Variants in CASP1 observed in about 807,000 individuals in gnomAD.
CASP1 encodes the protein caspase 1.
In CASP1, 31 loss-of-function variants were observed where a neutral mutation model predicts 41.2. The observed-to-expected ratio is 0.75, with a 90% CI of 0.57 to 1.02. CASP1 has a LOEUF of 1.02. CASP1 is among the 50% of genes least tolerant of loss of function. The probability of loss-of-function intolerance (pLI) is 0.00; values close to 1 mark genes in which losing one functional copy is unlikely to be tolerated. For synonymous variants in CASP1, 163 were observed against 166.5 expected (o/e 0.98, Z 0.16); for missense variants, 490 against 495.7 (o/e 0.99, Z 0.11).
intron 6 of CASP1, 50 bp downstream of exon 6, chr11:105,029,615 A>C: frequency 7.3e-7 from 1 of 1,367,914 alleles, no homozygotes; most frequent in Non-Finnish European, 1.0e-6. Context: ...ATGCATACAG[A>C]GTAGGATAGT....
rs148707413 is a variant in CASP1, at chr11:105,026,210, G to T, written c.*48C>A. ...CTTTCCTCAACCTTCCCACACTCCC[G>T]ACCATACACATGTACCTGCCCACAG... On this transcript the variant is annotated 3_prime_UTR_variant, in exon 9 of 9. Coordinates refer to ENST00000533400, the MANE Select transcript of CASP1 (RefSeq NM_001257118.3). 6.4e-4 allele frequency: 787 copies of T among 1,227,132 alleles called. 2 individuals carry two copies. In the African/African-American group the frequency reaches 0.01, roughly 16 times the overall value. 76.0% of individuals were successfully genotyped at this position (1,227,132 alleles called of 1,614,324 possible).
At position 105,027,131 on chromosome 11, in the gene CASP1, T is replaced by G. The variant is rs1591191629; in HGVS notation, c.1007-180A>C. On this transcript the variant is annotated intron_variant, in intron 7 of 8. Transcript: ENST00000533400. ...GATTTGGAAATGAAATATCTAAATG[T>G]GCATTCCCAAAGTGGTATTACTGAC... 10 of 654,110 alleles carry G rather than the reference T, an allele frequency of 1.5e-5. 1 individual carries two copies. Among genetic ancestry groups the G allele is most frequent in the African/African-American group, 7.3e-5 (4 of 55,168 alleles). 40.5% of individuals were successfully genotyped at this position (654,110 alleles called of 1,614,324 possible). A position where few individuals can be genotyped will look rare whatever the true frequency, so the allele number is the denominator to read the frequency against.
At chr11:105,028,324 C>T (rs1440956370) in intron 7 of CASP1, among the ~76,000 whole-genome samples, 2 of 152,086 alleles carry the variant, frequency 1.3e-5, no homozygotes, top group Non-Finnish European at 2.9e-5. Flanking sequence ...CAAGAGAATG[C>T]AAGTCCTCTC....
intron 8 of CASP1, 173 bp downstream of exon 8, chr11:105,026,669 T>C: frequency 1.6e-6 from 1 of 609,696 alleles, no homozygotes; most frequent in Non-Finnish European, 2.9e-6. Context: ...TGGGTCTTAA[T>C]AGATTGGATT....
chr11:105,031,314 A>T (rs1484148626), intron 3 of CASP1, 34 bp from the exon 4 acceptor site: 3 of 1,243,396 alleles, frequency 2.4e-6, no homozygotes, highest in Non-Finnish European at 3.5e-6. Context: ...GAACAGTGGC[A>T]TCCCTGTTTG....
chr11:105,034,119 C>G, intron 2 of CASP1, 89 bp downstream of exon 2: 1 of 1,607,386 alleles, frequency 6.2e-7, no homozygotes. Context: ...AGAAAGTTTT[C>G]TTCCAATTAA....
Position 105,031,197 on chromosome 11 carries a change from C to T in CASP1, c.421G>A (p.Ala141Thr), listed in dbSNP as rs1308507486. The T allele has an allele frequency of 3.4e-5, 55 of 1,612,268 alleles. No homozygotes were observed. Among genetic ancestry groups the T allele is most frequent in the Non-Finnish European group, 4.4e-5 (52 of 1,178,766 alleles). Reference protein sequence around the residue: ...GNVKLCSLEEAQRIWKQKSAE... With the variant: ...GNVKLCSLEETQRIWKQKSAE... The stretch of plus-strand genomic sequence containing the variant: ...GACTTTTGTTTCCATATCCTTTGAG[C>T]TTCTTCTAGGGAGCAAAGCTTGACA... The change falls in exon 4 of 9, where the codon GCT (alanine) becomes ACT (threonine). Residue 141 changes from alanine (A) to threonine (T), a missense_variant. Ala to Thr is a moderately conservative substitution (Grantham distance 58). Transcript: ENST00000533400.
At chr11:105,033,838 C>A (rs185109840) in intron 2 of CASP1, 3 of 556,922 alleles carry the variant, frequency 5.4e-6, no homozygotes, top group Non-Finnish European at 1.0e-5. Flanking sequence ...TGTGACTTTA[C>A]AACTACATAA....
chr11:105,035,307 C>G, upstream of CASP1: 1 of 697,624 alleles, frequency 1.4e-6, no homozygotes, highest in Admixed American at 2.5e-5. Context: ...TCTTCACCAG[C>G]CCTTGGATAG....
chr11:105,030,007 A>C, intron 5 of CASP1, 108 bp from the exon 6 acceptor site: 1 of 909,670 alleles, frequency 1.1e-6, no homozygotes, highest in South Asian at 1.6e-5. Flanking sequence ...TTCCGTGACA[A>C]ACAACAGGGT....
At chr11:105,032,710 A>G (rs528349207) in intron 3 of CASP1, among the ~76,000 whole-genome samples, 1 of 152,322 alleles carries the variant, frequency 6.6e-6, no homozygotes, top group South Asian at 2.1e-4. Context: ...ACCAAGTTAC[A>G]CAAAACCGGA....
upstream of CASP1, among the ~76,000 whole-genome samples, chr11:105,035,616 C>CTTTTCTT (rs770202897): frequency 4.1e-3 from 216 of 52,088 alleles, 5 homozygotes; most frequent in African/African-American, 0.01. Flanking sequence ...TTTTTTCTTT[C>CTTTTCTT]TGTTTTTTTT....
chr11:105,035,244 A>G (rs924625305), upstream of CASP1: 20 of 1,283,842 alleles, frequency 1.6e-5, no homozygotes, highest in African/African-American at 2.9e-5. Flanking sequence ...TTTTCTTCCC[A>G]TTAAAGAATC....
intron 6 of CASP1, 90 bp from the exon 7 acceptor site, chr11:105,029,357 G>T: frequency 9.2e-7 from 1 of 1,091,030 alleles, no homozygotes; most frequent in Non-Finnish European, 1.3e-6. Context: ...TTATTAATGT[G>T]TTTGCTCTAT....
In CASP1 at chr11:105,033,137, A is replaced by G. The variant is rs375453973; in HGVS notation, c.275-11T>C. The G allele has an allele frequency of 9.3e-5, 141 of 1,514,306 alleles. 4 individuals carry two copies. In the South Asian group the frequency reaches 1.0e-3, roughly 11 times the overall value. The allele number at this position is 1,514,306 out of a possible 1,614,324, so 93.8% of individuals were successfully genotyped here. A position where few individuals can be genotyped will look rare whatever the true frequency, so the allele number is the denominator to read the frequency against. ...TTCCAGATGTTTGATCTATGAAAAG[A>G]TAAAGGGTATTGAAGTAGTCACTTA... On this transcript the variant is annotated splice_polypyrimidine_tract_variant and intron_variant, in intron 2 of 8. Transcript: ENST00000533400.
chr11:105,034,192 A>C lies in CASP1; in HGVS notation c.274+16T>G, dbSNP rs751974092. The C allele has an allele frequency of 5.0e-6, 8 of 1,613,946 alleles. No individual in the cohort carries two copies. Among genetic ancestry groups the C allele is most frequent in the Non-Finnish European group, 6.8e-6 (8 of 1,179,848 alleles). ...CAGGCCCTAGGTGAACTTGAGTGTA[A>C]GTCACTGACCCTTACCTGCTGAGAG... On this transcript the variant is annotated intron_variant, in intron 2 of 8. Transcript: ENST00000533400.
intron 7 of CASP1, 61 bp downstream of exon 7, chr11:105,029,063 G>C: frequency 6.6e-7 from 1 of 1,509,174 alleles, no homozygotes; most frequent in Non-Finnish European, 9.1e-7. Context: ...CCTCTAGTGG[G>C]TTATTGTCAC....
rs1863557835 is a variant in CASP1, at chr11:105,029,754, A to G, written c.773T>C (p.Leu258Pro). The stretch of plus-strand genomic sequence containing the variant: ...ATTCAACATGTTAAAGATTGCATTG[A>G]GTTGTAGTATATCTGGGACTTGCTC... Reference protein sequence around the residue: ...HSEQVPDILQLNAIFNMLNTK... With the variant: ...HSEQVPDILQPNAIFNMLNTK... The change falls in exon 6 of 9, where the codon CTC (leucine) becomes CCC (proline). Residue 258 changes from leucine (L) to proline (P), a missense_variant. Transcript: ENST00000533400. 1 of 1,613,508 alleles carries G rather than the reference A, an allele frequency of 6.2e-7. No homozygotes were observed.
rs976099884 is a variant in CASP1, at chr11:105,030,227, A to G, written c.627+103T>C. On this transcript the variant is annotated intron_variant, in intron 5 of 8. Transcript: ENST00000533400. ...CTCTCATGGCAAGTTTGTATTTTAG[A>G]TTATCAAGAGATTACATTTCTTGGT... 2.0e-4 allele frequency: 198 copies of G among 1,003,588 alleles called. 2 individuals are homozygous for G. Among genetic ancestry groups the G allele is most frequent in the Admixed American group, 6.9e-5 (3 of 43,262 alleles). The allele number at this position is 1,003,588 out of a possible 1,614,324, so 62.2% of individuals were successfully genotyped here. A position where few individuals can be genotyped will look rare whatever the true frequency, so the allele number is the denominator to read the frequency against.
Sources: allele counts gnomAD v4.1 joint callset (sites outside exome capture counted in the v4.1 genomes callset), GRCh38; gene constraint gnomAD v4.1.1; transcripts MANE v1.5; gene names NCBI Gene and HGNC (gene_info 2026-07-23, HGNC 2026-07-21).